Variants in FRMD3 observed in about 807,000 individuals in gnomAD.
The protein encoded by FRMD3 is FERM domain-containing protein 3.
Under a neutral mutation model 70.2 loss-of-function variants are expected in FRMD3, and 33 were observed. The observed-to-expected ratio is 0.47, with a 90% CI of 0.36 to 0.63. The LOEUF (loss-of-function observed/expected upper bound fraction) is 0.63. FRMD3 is among the 20% of genes least tolerant of loss of function. FRMD3 has a pLI of 0.00. For missense variants in FRMD3, 632 were observed against 711.4 expected (o/e 0.89, Z 1.27); for synonymous variants, 279 against 255.9 (o/e 1.09, Z -0.86).
chr9:83,435,795 C>T (rs1053240636), intron 1 of FRMD3, among the ~76,000 whole-genome samples: 1 of 152,112 alleles, frequency 6.6e-6, no homozygotes, highest in African/African-American at 2.4e-5. Flanking sequence ...ATTCCCTAAC[C>T]CATCCCCAGA....
At chr9:83,452,848 C>CTTTT (rs11346596) in intron 1 of FRMD3, among the ~76,000 whole-genome samples, 24 of 72,368 alleles carry the variant, frequency 3.3e-4, no homozygotes, top group East Asian at 4.3e-4. Context: ...TTTTTATTGC[C>CTTTT]TTTTTTTTTT....
intron 13 of FRMD3, among the ~76,000 whole-genome samples, chr9:83,259,378 T>A (rs927728049): frequency 6.6e-6 from 1 of 152,156 alleles, no homozygotes; most frequent in East Asian, 1.9e-4. Context: ...CACATCATCA[T>A]CAGGGATGCT....
chr9:83,545,223 C>T, the FRMD3 span, among the ~76,000 whole-genome samples: 23 of 151,966 alleles, frequency 1.5e-4, no homozygotes, highest in Non-Finnish European at 3.1e-4. Context: ...GTCATTGAAG[C>T]AATTACAAAA....
chr9:83,255,995 A>T (rs951540754), intron 13 of FRMD3, among the ~76,000 whole-genome samples: 6 of 152,164 alleles, frequency 3.9e-5, no homozygotes, highest in Non-Finnish European at 7.4e-5. Flanking sequence ...TACCATTCAG[A>T]TTCTTCACAG....
In FRMD3 at chr9:83,420,679, G is replaced by A. The variant is rs184032532; in HGVS notation, c.148-30971C>T. 3.4e-4 allele frequency among the ~76,000 whole-genome samples: 52 copies of A among 152,272 alleles called. 1 individual carries two copies. The highest frequency in any genetic ancestry group is 3.4e-3 in the Admixed American group (52 of 15,300). ...TTGGAGGTGGGCCCTGGTGGAAGAT[G>A]TTTGAGTCATGGGGATAGATCCCTT... On this transcript the variant is annotated intron_variant, in intron 1 of 13. Coordinates refer to ENST00000304195, the MANE Select transcript of FRMD3 (RefSeq NM_174938.6).
At chr9:83,469,108 A>C (rs1292135325) in intron 1 of FRMD3, among the ~76,000 whole-genome samples, 1 of 152,252 alleles carries the variant, frequency 6.6e-6, no homozygotes, top group Non-Finnish European at 1.5e-5. Flanking sequence ...AAGCATTCAA[A>C]TGAGGTTAAA....
At chr9:83,569,445 G>A in the FRMD3 span, among the ~76,000 whole-genome samples, 6 of 152,254 alleles carry the variant, frequency 3.9e-5, no homozygotes, top group African/African-American at 1.4e-4. Flanking sequence ...CCCAGGAGCT[G>A]AGGCTGAGAG....
chr9:83,433,286 G>A (rs960933570), intron 1 of FRMD3, among the ~76,000 whole-genome samples: 6 of 152,296 alleles, frequency 3.9e-5, no homozygotes, highest in African/African-American at 1.2e-4. Context: ...TGGTGGAAGT[G>A]AAACTTCACC....
intron 1 of FRMD3, among the ~76,000 whole-genome samples, chr9:83,404,365 C>T (rs1048218440): frequency 6.6e-6 from 1 of 152,122 alleles, no homozygotes. Flanking sequence ...TTTAAGCATC[C>T]TCTGCCTTTT....
chr9:83,530,099 C>T (rs930746513), intron 1 of FRMD3, among the ~76,000 whole-genome samples: 7 of 152,190 alleles, frequency 4.6e-5, no homozygotes, highest in African/African-American at 1.7e-4. Flanking sequence ...AAAGATTAAA[C>T]ACAGAGTTAC....
intron 1 of FRMD3, among the ~76,000 whole-genome samples, chr9:83,468,578 A>G (rs1828191282): frequency 6.6e-6 from 1 of 152,220 alleles, no homozygotes; most frequent in African/African-American, 2.4e-5. Flanking sequence ...CTTATGGCCC[A>G]GACAAGTCAA....
At chr9:83,290,867 T>C (rs960004749) in intron 12 of FRMD3, 140 bp from the exon 13 acceptor site, 2 of 861,514 alleles carry the variant, frequency 2.3e-6, no homozygotes, top group African/African-American at 1.7e-5. Context: ...GTAGTAAAGA[T>C]GACGTAACAT....
the FRMD3 span, among the ~76,000 whole-genome samples, chr9:83,564,304 T>C: frequency 1.3e-5 from 2 of 152,122 alleles, no homozygotes; most frequent in East Asian, 3.8e-4. Context: ...AGCATTCCTC[T>C]CCAATTGTAG....
the FRMD3 span, among the ~76,000 whole-genome samples, chr9:83,552,556 T>C: frequency 4.5e-3 from 690 of 152,216 alleles, 6 homozygotes; most frequent in African/African-American, 0.015. Flanking sequence ...TCTAATACTG[T>C]CAGTGGAGTG....
intron 1 of FRMD3, among the ~76,000 whole-genome samples, chr9:83,521,033 G>C (rs1829560910): frequency 1.3e-5 from 2 of 149,236 alleles, no homozygotes; most frequent in African/African-American, 5.0e-5. Context: ...CAGCTACTCA[G>C]GAGGCTGAGG....
chr9:83,489,600 A>G (rs1049753329), intron 1 of FRMD3, among the ~76,000 whole-genome samples: 1 of 152,196 alleles, frequency 6.6e-6, no homozygotes, highest in Non-Finnish European at 1.5e-5. Context: ...TAAAAAATCA[A>G]AAAATAACAG....
chr9:83,277,895 G>C (rs979902606), intron 13 of FRMD3, among the ~76,000 whole-genome samples: 14 of 152,186 alleles, frequency 9.2e-5, no homozygotes, highest in African/African-American at 3.4e-4. Context: ...GGAATAGTGA[G>C]GGAAACAAGG....
intron 2 of FRMD3, among the ~76,000 whole-genome samples, chr9:83,375,650 T>C (rs1014806231): frequency 1.3e-5 from 2 of 152,110 alleles, no homozygotes; most frequent in Admixed American, 6.5e-5. Context: ...TTCTCACTTA[T>C]AAATGGGAGC....
chr9:83,545,615 C>A, the FRMD3 span, among the ~76,000 whole-genome samples: 2 of 151,936 alleles, frequency 1.3e-5, no homozygotes, highest in Non-Finnish European at 2.9e-5. Flanking sequence ...CCTCGGCCTC[C>A]CAAAGTGCTA....
Sources: allele counts gnomAD v4.1 joint callset (sites outside exome capture counted in the v4.1 genomes callset), GRCh38; gene constraint gnomAD v4.1.1; transcripts MANE v1.5; gene names NCBI Gene and HGNC (gene_info 2026-07-23, HGNC 2026-07-21).